PCDHGB2: variants seen among roughly 807,000 people sequenced by gnomAD.
PCDHGB2 encodes the protein protocadherin gamma subfamily B, 2.
Under a neutral mutation model 59.3 loss-of-function variants are expected in PCDHGB2, and 55 were observed. That is an observed-to-expected ratio of 0.93 (90% CI 0.75 to 1.16). PCDHGB2 has a LOEUF of 1.16. Ranked by LOEUF, PCDHGB2 falls within the 50% of genes most tolerant of loss-of-function variation. The pLI is 0.00. For synonymous variants in PCDHGB2, 516 were observed against 512.0 expected, an observed-to-expected ratio of 1.01 and a Z score of -0.11; for missense variants, 1,228 against 1,198.5, an observed-to-expected ratio of 1.02 and a Z score of -0.36.
intron 1 of PCDHGB2, among the ~76,000 whole-genome samples, chr5:141,468,079 C>A (rs2099157359): frequency 6.6e-6 from 1 of 151,986 alleles, no homozygotes; most frequent in African/African-American, 2.4e-5. Context: ...AATCCCAGCA[C>A]TTTGGGAGGT....
chr5:141,406,096 G>A (rs966441415), intron 1 of PCDHGB2, among the ~76,000 whole-genome samples: 1 of 150,800 alleles, frequency 6.6e-6, no homozygotes, highest in Non-Finnish European at 1.5e-5. Context: ...TTAAGAGATG[G>A]GGGTGTCATT....
chr5:141,445,034 A>T (rs963629240), intron 1 of PCDHGB2, among the ~76,000 whole-genome samples: 4 of 152,156 alleles, frequency 2.6e-5, no homozygotes, highest in Admixed American at 2.0e-4. Context: ...GCTATGTTGT[A>T]TAGTTTTCAG....
chr5:141,368,008 G>A (rs1189583179), intron 1 of PCDHGB2, among the ~76,000 whole-genome samples: 1 of 152,086 alleles, frequency 6.6e-6, no homozygotes, highest in African/African-American at 2.4e-5. Context: ...ATGAAATACT[G>A]GCCTATGTGC....
At chr5:141,450,453 C>T (rs1202828231) in intron 1 of PCDHGB2, among the ~76,000 whole-genome samples, 3 of 152,058 alleles carry the variant, frequency 2.0e-5, no homozygotes, top group East Asian at 1.9e-4. Flanking sequence ...TATGTTTCCT[C>T]GTGATTTTAT....
At chr5:141,416,132 A>C in intron 1 of PCDHGB2, 1 of 154,082 alleles carries the variant, frequency 6.5e-6, no homozygotes, top group Non-Finnish European at 1.4e-5. Context: ...ATATTTTTCA[A>C]TCTATACTTT....
At chr5:141,507,432 C>T (rs2099860585) in intron 3 of PCDHGB2, 1 of 152,198 alleles carries the variant, frequency 6.6e-6, no homozygotes. Flanking sequence ...GGGGCCAGGC[C>T]TACAGCTGAC....
chr5:141,491,513 A>C lies in PCDHGB2; in HGVS notation c.2422-3294A>C, dbSNP rs1163218369. On this transcript the variant is annotated intron_variant, in intron 1 of 3. Coordinates refer to ENST00000522605, the MANE Select transcript of PCDHGB2 (RefSeq NM_018923.3). The surrounding 1 kb of genome is among the most constrained non-coding windows in gnomAD (Gnocchi z 6.9). ...CAGGTGAGCTCGGACGGCACGCTCAAGTACATGGAGGTGACGCTGCGGCCC... is the reference window on the plus strand; with the variant it reads ...CAGGTGAGCTCGGACGGCACGCTCACGTACATGGAGGTGACGCTGCGGCCC... The C allele has an allele frequency of 6.2e-7, 1 of 1,613,934 alleles. No individual in the cohort carries two copies. Among genetic ancestry groups the C allele is most frequent in the East Asian group, 2.2e-5 (1 of 44,888 alleles).
At chr5:141,426,015 T>G (rs1168777347) in intron 1 of PCDHGB2, among the ~76,000 whole-genome samples, 3 of 152,200 alleles carry the variant, frequency 2.0e-5, no homozygotes, top group African/African-American at 7.2e-5. Flanking sequence ...GGCTGCAGTT[T>G]TCTAAATAGA....
Position 141,360,157 on chromosome 5 carries a change from T to A in PCDHGB2, c.22T>A (p.Cys8Ser), listed in dbSNP as rs185682995. Reference sequence around the variant, plus strand: ...GAAGATGAAAGCGAGCTCAGGGAGGTGCGGGCTGGTGCGGTGGCTGCAGGT... The same window carrying A: ...GAAGATGAAAGCGAGCTCAGGGAGGAGCGGGCTGGTGCGGTGGCTGCAGGT... MKASSGR[C>S]GLVRWLQVLL... Residue 8 changes from cysteine (C) to serine (S), a missense_variant, in exon 1 of 4, where the codon TGC (cysteine) becomes AGC (serine). This residue lies in a region of PCDHGB2 where 781 missense variants were observed against 721.6 expected (regional missense o/e 1.08). Transcript: ENST00000522605. 1.9e-6 allele frequency: 3 copies of A among 1,603,412 alleles called. No homozygotes were observed. The highest frequency in any genetic ancestry group is 1.3e-5 in the African/African-American group (1 of 74,662).
rs773840884 is a variant in PCDHGB2 at position 141,372,185 on chromosome 5, C to G, written c.2421+9629C>G. 1.9e-6 allele frequency: 3 copies of G among 1,613,630 alleles called. No homozygotes were observed. The South Asian group carries it at 3.3e-5, about 18-fold the overall frequency. On this transcript the variant is annotated intron_variant, in intron 1 of 3. Coordinates refer to ENST00000522605, the MANE Select transcript of PCDHGB2 (RefSeq NM_018923.3). ...CCAAGGTGGTGGCGGTGGACGCAGA[C>G]TCGGGATACAACGCCTGGCTGTCCT...
intron 1 of PCDHGB2, chr5:141,423,081 C>A: frequency 6.2e-7 from 1 of 1,614,084 alleles, no homozygotes; most frequent in South Asian, 1.1e-5. Context: ...CGGGACTCTT[C>A]GCGGTGGGGG....
chr5:141,393,331 G>A (rs2092730399), intron 1 of PCDHGB2: 1 of 1,613,860 alleles, frequency 6.2e-7, no homozygotes. Flanking sequence ...TACCAGCTCA[G>A]CCCCAATCAC....
At chr5:141,433,481 G>C (rs2097613311) in intron 1 of PCDHGB2, among the ~76,000 whole-genome samples, 1 of 152,046 alleles carries the variant, frequency 6.6e-6, no homozygotes, top group African/African-American at 2.4e-5. Flanking sequence ...CTAGCCTCCT[G>C]CTTCTCCCTC....
chr5:141,424,052 G>A, intron 1 of PCDHGB2: 1 of 1,012,010 alleles, frequency 9.9e-7, no homozygotes, highest in South Asian at 4.7e-5. Flanking sequence ...CAATTTTGCT[G>A]TGCCTTCACT....
intron 1 of PCDHGB2, chr5:141,421,168 A>G: frequency 1.5e-6 from 2 of 1,331,612 alleles, no homozygotes; most frequent in South Asian, 1.5e-5. Context: ...TCATAGATAC[A>G]TAAGCCGATT....
chr5:141,384,346 G>A (rs992832645), intron 1 of PCDHGB2: 3 of 1,613,746 alleles, frequency 1.9e-6, no homozygotes, highest in Non-Finnish European at 2.5e-6. Context: ...CGACAGTGAG[G>A]ATAATGCCCA....
intron 1 of PCDHGB2, chr5:141,413,221 G>A (rs1384304697): frequency 1.2e-6 from 2 of 1,613,452 alleles, no homozygotes; most frequent in East Asian, 2.2e-5. Flanking sequence ...GGATTGCAGC[G>A]GGCTGGTCCT....
rs535024997 is a variant in PCDHGB2, at chr5:141,371,494, C to T, written c.2421+8938C>T. ...GATGCTGAGCTGGGGACTGCCGTTG[C>T]CCTGATCAAAACACATGATCTAGAT... On this transcript the variant is annotated intron_variant, in intron 1 of 3. Coordinates refer to ENST00000522605, the MANE Select transcript of PCDHGB2 (RefSeq NM_018923.3). The T allele has an allele frequency of 2.5e-6, 4 of 1,613,888 alleles. No individual in the cohort carries two copies. In the Admixed American group the frequency reaches 5.0e-5, roughly 20 times the overall value.
Position 141,420,431 on chromosome 5 carries a change from A to G in PCDHGB2, c.2421+57875A>G, listed in dbSNP as rs183252328. 8.4e-5 allele frequency: 96 copies of G among 1,148,758 alleles called. No individual in the cohort carries two copies. In the African/African-American group the frequency reaches 1.3e-3, roughly 16 times the overall value. The allele number at this position is 1,148,758 out of a possible 1,614,324, so 71.2% of individuals were successfully genotyped here. Reference sequence around the variant, plus strand: ...TATCATTATTAAAACAAAAGTTTAAATTAAATGCCTCAGTCTTCCTACTAT... The same window carrying G: ...TATCATTATTAAAACAAAAGTTTAAGTTAAATGCCTCAGTCTTCCTACTAT... On this transcript the variant is annotated intron_variant, in intron 1 of 3. Transcript: ENST00000522605.
Sources: gnomAD v4.1 joint callset for allele counts (sites outside exome capture counted in the v4.1 genomes callset) on GRCh38, gnomAD v4.1.1 for gene constraint, gnomAD v4.1.1 regional missense constraint, Gnocchi (gnomAD v3.1) non-coding constraint, MANE v1.5 for transcripts, NCBI Gene and HGNC (gene_info 2026-07-23, HGNC 2026-07-21) for gene names.